CC2D2B: variants seen among roughly 807,000 people sequenced by gnomAD.
The protein encoded by CC2D2B is protein CC2D2B.
In CC2D2B, 128 loss-of-function variants were observed where a neutral mutation model predicts 161.2. The observed-to-expected ratio is 0.79, with a 90% CI of 0.69 to 0.92. The LOEUF (loss-of-function observed/expected upper bound fraction) is 0.92, where lower values mean the gene tolerates loss of function less well. CC2D2B is among the 40% of genes least tolerant of loss of function. CC2D2B has a pLI of 0.00. For missense variants in CC2D2B, 1,173 were observed against 1,375.1 expected, an observed-to-expected ratio of 0.85 and a Z score of 2.32; for synonymous variants, 391 against 449.8, an observed-to-expected ratio of 0.87 and a Z score of 1.65.
rs1354496406 is a variant in CC2D2B, at chr10:95,938,138, G to T, written c.484G>T (p.Glu162Ter). The part of the protein sequence containing the change: ...VKAADYEDDQ[E>*]QIKKQKANIF... ...AGCTGCTGACTATGAAGATGATCAA[G>T]AACAAATAAAAAAACAGAAGGCAAA... The change falls in exon 7 of 35, where the codon GAA becomes TAA. Residue 162 changes from glutamate to a stop codon, truncating the protein, a stop_gained. Transcript: ENST00000646931. LOFTEE classifies it high-confidence loss of function. 45 of 1,549,920 alleles carry T rather than the reference G, an allele frequency of 2.9e-5. No homozygotes were observed. The highest frequency in any genetic ancestry group is 3.4e-4 in the Middle Eastern group (2 of 5,946).
chr10:95,993,886 T>G (rs61506271), intron 22 of CC2D2B, among the ~76,000 whole-genome samples: 44,292 of 98,616 alleles, frequency 0.45, 9,933 homozygotes, highest in East Asian at 0.59. Flanking sequence ...TATATATATA[T>G]ATAGAGAGAG....
At chr10:96,010,612 G>A (rs1291341678) in intron 26 of CC2D2B, among the ~76,000 whole-genome samples, 1 of 152,196 alleles carries the variant, frequency 6.6e-6, no homozygotes, top group Non-Finnish European at 1.5e-5. Flanking sequence ...ACAGTAGGGA[G>A]TACTTTACTG....
chr10:96,013,442 A>T (rs764437112), intron 28 of CC2D2B, among the ~76,000 whole-genome samples: 3 of 151,496 alleles, frequency 2.0e-5, no homozygotes, highest in Non-Finnish European at 4.4e-5. Context: ...TTTAAAGTAC[A>T]TGTTTAATGT....
chr10:95,934,815 C>T (rs1054918033), intron 6 of CC2D2B, among the ~76,000 whole-genome samples: 1 of 152,176 alleles, frequency 6.6e-6, no homozygotes, highest in Non-Finnish European at 1.5e-5. Flanking sequence ...GAGCTGCAGA[C>T]TGGAGCTGTT....
chr10:95,957,628 T>C (rs1173468699), intron 11 of CC2D2B, among the ~76,000 whole-genome samples: 1 of 138,048 alleles, frequency 7.2e-6, no homozygotes, highest in Non-Finnish European at 1.5e-5. Context: ...TGACACAATC[T>C]CGGCTCACTG....
At chr10:95,926,815 AGTGTGTGT>A (rs71486778) in intron 5 of CC2D2B, among the ~76,000 whole-genome samples, 24 of 135,022 alleles carry the variant, frequency 1.8e-4, no homozygotes, top group African/African-American at 6.0e-4. Context: ...CTGAGGTGGC[AGTGTGTGT>A]GTGTGTGTGT....
chr10:95,929,316 T>C (rs1431426910), intron 6 of CC2D2B, among the ~76,000 whole-genome samples: 1 of 152,226 alleles, frequency 6.6e-6, no homozygotes, highest in Non-Finnish European at 1.5e-5. Flanking sequence ...GATGAGTAGA[T>C]TGCAAAAATT....
intron 24 of CC2D2B, chr10:96,000,074 T>C: frequency 6.7e-7 from 1 of 1,486,892 alleles, no homozygotes; most frequent in Non-Finnish European, 9.0e-7. Flanking sequence ...AGTTTTGCCG[T>C]GGTAACACCT....
At chr10:95,996,352 A>G in intron 24 of CC2D2B, 100 bp downstream of exon 24, 1 of 584,588 alleles carries the variant, frequency 1.7e-6, no homozygotes, top group Non-Finnish European at 3.0e-6. Flanking sequence ...AATAGGCTTT[A>G]TTTAAGCTTT....
At chr10:96,014,005 A>G (rs1053660209) in intron 29 of CC2D2B, 128 bp downstream of exon 29, 2 of 382,352 alleles carry the variant, frequency 5.2e-6, no homozygotes, top group South Asian at 1.4e-4. Context: ...ATAATTTTAT[A>G]CATCATCTTC....
At chr10:95,933,833 G>A (rs1376916450) in intron 6 of CC2D2B, among the ~76,000 whole-genome samples, 1 of 152,166 alleles carries the variant, frequency 6.6e-6, no homozygotes, top group South Asian at 2.1e-4. Context: ...GCTGGGAAGT[G>A]TCTCCCAGTC....
intron 6 of CC2D2B, among the ~76,000 whole-genome samples, chr10:95,927,690 C>A (rs968161932): frequency 6.6e-6 from 1 of 150,622 alleles, no homozygotes; most frequent in Non-Finnish European, 1.5e-5. Flanking sequence ...TTTCTTTTTT[C>A]TTTCTTTCTT....
chr10:95,984,328 G>A (rs1270167520), intron 19 of CC2D2B, among the ~76,000 whole-genome samples: 1 of 152,178 alleles, frequency 6.6e-6, no homozygotes, highest in African/African-American at 2.4e-5. Flanking sequence ...GCTACTTGGT[G>A]AGATTTGGAT....
At chr10:95,985,323 C>G (rs1024467835) in intron 19 of CC2D2B, among the ~76,000 whole-genome samples, 1 of 152,032 alleles carries the variant, frequency 6.6e-6, no homozygotes, top group African/African-American at 2.4e-5. Flanking sequence ...AGTCAGGGAC[C>G]CCGAACGGAA....
At chr10:95,952,752 G>T (rs1280847348) in intron 10 of CC2D2B, among the ~76,000 whole-genome samples, 2 of 151,716 alleles carry the variant, frequency 1.3e-5, no homozygotes, top group Non-Finnish European at 2.9e-5. Context: ...CCATAATATA[G>T]GTTTATTTTA....
chr10:95,965,398 G>C (rs2076905082), intron 12 of CC2D2B, among the ~76,000 whole-genome samples: 1 of 152,110 alleles, frequency 6.6e-6, no homozygotes, highest in Admixed American at 6.6e-5. Context: ...AGTAGTAGTA[G>C]TAGCAGCAGC....
At position 96,033,725 on chromosome 10, in the gene CC2D2B, T is replaced by C. The variant is rs1228022367; in HGVS notation, c.*1717T>C. On this transcript the variant is annotated 3_prime_UTR_variant, in exon 35 of 35. Coordinates refer to ENST00000646931, the MANE Select transcript of CC2D2B (RefSeq NM_001349008.3). ...TTTACATGAGTGTTACTTTTTCAATTAAATTTTTTCCTGAAAATCATGAAA... is the reference window on the plus strand; with the variant it reads ...TTTACATGAGTGTTACTTTTTCAATCAAATTTTTTCCTGAAAATCATGAAA... Among the ~76,000 whole-genome samples the C allele has an allele frequency of 6.6e-6, 1 of 152,254 alleles. No homozygotes were observed. Among genetic ancestry groups the C allele is most frequent in the Admixed American group, 6.5e-5 (1 of 15,280 alleles).
chr10:96,031,945 C>A lies in CC2D2B; in HGVS notation c.4251C>A (p.His1417Gln), dbSNP rs371324563. ...QTEFALAVYI[H>Q]PYPNNILSVW... ...AATTTGCTTTAGCTGTATACATTCACCCATACCCAAACAACATATTATCTG... is the reference window on the plus strand; with the variant it reads ...AATTTGCTTTAGCTGTATACATTCAACCATACCCAAACAACATATTATCTG... The change falls in exon 35 of 35, where the codon CAC (histidine) becomes CAA (glutamine). Residue 1417 changes from histidine to glutamine, a missense_variant. His to Gln is a conservative substitution (Grantham distance 24, BLOSUM62 0). Transcript: ENST00000646931. The A allele has an allele frequency of 8.1e-6, 13 of 1,613,626 alleles. No individual in the cohort carries two copies. Among genetic ancestry groups the A allele is most frequent in the South Asian group, 1.1e-5 (1 of 91,072 alleles).
intron 13 of CC2D2B, 49 bp downstream of exon 13, chr10:95,966,047 A>G: frequency 1.3e-6 from 1 of 792,560 alleles, no homozygotes; most frequent in Non-Finnish European, 1.7e-6. Flanking sequence ...ATAATATTTT[A>G]TTTTTTGATA....
Sources: gnomAD v4.1 joint callset for allele counts (sites outside exome capture counted in the v4.1 genomes callset) on GRCh38, gnomAD v4.1.1 for gene constraint, MANE v1.5 for transcripts, NCBI Gene and HGNC (gene_info 2026-07-23, HGNC 2026-07-21) for gene names.